The following PDCD7 variants were observed in gnomAD, a reference collection of about 807,000 sequenced individuals.
PDCD7 encodes programmed cell death protein 7.
A neutral mutation model predicts 42.1 loss-of-function variants in PDCD7; 40 were observed. The observed-to-expected ratio is 0.95, with a 90% CI of 0.74 to 1.24. PDCD7 has a LOEUF of 1.24. Ranked by LOEUF, PDCD7 falls within the 50% of genes most tolerant of loss-of-function variation. The pLI is 0.00. For synonymous variants in PDCD7, 299 were observed against 303.3 expected, an observed-to-expected ratio of 0.99 and a Z score of 0.15; for missense variants, 644 against 662.8, an observed-to-expected ratio of 0.97 and a Z score of 0.31.
chr15:65,133,401 C>T lies in PDCD7; in HGVS notation c.381G>A (p.Pro127=). ...PWSPRWPEAP[P]PPADVLGDAA... ...CATCCCCGAGCACGTCGGCCGGCGGCGGCGGCGCCTCAGGCCACCGCGGGC... is the reference window on the plus strand; with the variant it reads ...CATCCCCGAGCACGTCGGCCGGCGGTGGCGGCGCCTCAGGCCACCGCGGGC... The change falls in exon 1 of 5, where the codon CCG becomes CCA. Residue 127 remains proline (P), a synonymous_variant. Transcript: ENST00000204549. The T allele has an allele frequency of 8.4e-7, 1 of 1,185,648 alleles. No individual in the cohort carries two copies. The highest frequency in any genetic ancestry group is 3.7e-5 in the East Asian group (1 of 27,162). The allele number at this position is 1,185,648 out of a possible 1,614,324, so 73.4% of individuals were successfully genotyped here.
rs1245131962 is a variant in PDCD7, at chr15:65,133,107, C to T, written c.675G>A (p.Pro225=). ...LRAELAERLQ[P]LTQAAYVGEA... is the part of the protein sequence containing the mutation. ...CGCCCACATAGGCAGCCTGGGTCAA[C>T]GGCTGTAGCCGCTCGGCCAGTTCCG... is the stretch of plus-strand genomic sequence containing the variant. The change falls in exon 1 of 5, where the codon CCG becomes CCA. Residue 225 remains proline, a synonymous_variant. Transcript: ENST00000204549. 1.3e-6 allele frequency: 2 copies of T among 1,551,366 alleles called. No homozygotes were observed. Among genetic ancestry groups the T allele is most frequent in the South Asian group, 1.2e-5 (1 of 85,794 alleles).
rs946795121 is a variant in PDCD7 at position 65,133,791 on chromosome 15, G to A, written c.-10C>T. 6 of 1,361,550 alleles carry A rather than the reference G, an allele frequency of 4.4e-6. No individual in the cohort carries two copies. The highest frequency in any genetic ancestry group is 3.9e-5 in the South Asian group (2 of 50,740). The allele number at this position is 1,361,550 out of a possible 1,614,324, so 84.3% of individuals were successfully genotyped here. A position where few individuals can be genotyped will look rare whatever the true frequency, so the allele number is the denominator to read the frequency against. On this transcript the variant is annotated 5_prime_UTR_variant, in exon 1 of 5. Transcript: ENST00000204549. ...ATGGTGGCAGGGCCATGTTCACGACGGAGATGCTTTGAGAAGTGACAGGAA... is the reference window on the plus strand; with the variant it reads ...ATGGTGGCAGGGCCATGTTCACGACAGAGATGCTTTGAGAAGTGACAGGAA...
At chr15:65,129,901 G>A (rs1225243818) in intron 1 of PDCD7, among the ~76,000 whole-genome samples, 1 of 148,500 alleles carries the variant, frequency 6.7e-6, no homozygotes, top group East Asian at 2.0e-4. Flanking sequence ...CTGGGCAACA[G>A]AGTGAAACTT....
intron 1 of PDCD7, among the ~76,000 whole-genome samples, chr15:65,131,674 G>A (rs1411204480): frequency 2.6e-5 from 4 of 152,078 alleles, no homozygotes; most frequent in African/African-American, 4.8e-5. Flanking sequence ...GCTTGAACCC[G>A]GGAGGTGGAG....
chr15:65,128,817 C>CTT (rs1047146053), intron 2 of PDCD7, among the ~76,000 whole-genome samples: 1 of 152,214 alleles, frequency 6.6e-6, no homozygotes, highest in Non-Finnish European at 1.5e-5. Context: ...GGTTCCCACA[C>CTT]TTGCCTCTCT....
At position 65,133,044 on chromosome 15, in the gene PDCD7, C is replaced by A; in HGVS notation, c.738G>T (p.Arg246=). The change falls in exon 1 of 5, where the codon CGG becomes CGT. Residue 246 remains arginine (R), a synonymous_variant. Coordinates refer to ENST00000204549, the MANE Select transcript of PDCD7 (RefSeq NM_005707.2). ...RRRLERVRRR[R]LRLRERARER... ...CCCGGGCCCTCTCGCGAAGCCGCAG[C>A]CGGCGGCGCCGGACCCTCTCCAGCC... The A allele has an allele frequency of 6.3e-7, 1 of 1,590,994 alleles. No individual in the cohort carries two copies. Among genetic ancestry groups the A allele is most frequent in the Admixed American group, 1.7e-5 (1 of 58,722 alleles).
In PDCD7 at chr15:65,118,765, G is replaced by A. The variant is rs898988346; in HGVS notation, c.1410C>T (p.Pro470=). ...CCCAGATGTCGTTGCTGGGGAGCGGGGGAAGGACCCATCCTTGGGGAACGA... is the reference window on the plus strand; with the variant it reads ...CCCAGATGTCGTTGCTGGGGAGCGGAGGAAGGACCCATCCTTGGGGAACGA... ...GNFVPQGWVL[P]PLPSNDIWAT... Residue 470 remains proline, a synonymous_variant, in exon 5 of 5, where the codon CCC becomes CCT. Transcript: ENST00000204549. 4.3e-6 allele frequency: 7 copies of A among 1,610,056 alleles called. No homozygotes were observed. In the Admixed American group the frequency reaches 1.2e-4, roughly 27 times the overall value.
chr15:65,119,007 T>C, intron 4 of PDCD7, 167 bp from the exon 5 acceptor site: 4 of 495,428 alleles, frequency 8.1e-6, no homozygotes, highest in East Asian at 3.4e-5. Context: ...TAAATGTACA[T>C]ATAAAAAGAG....
rs1247883824 is a variant in PDCD7, at chr15:65,133,666, GGCGGGAAAGCCGGGGAGGGCA to G, written c.95_115del (p.Leu32_Pro38del). 2 of 1,265,270 alleles carry G rather than the reference GGCGGGAAAGCCGGGGAGGGCA, an allele frequency of 1.6e-6. No individual in the cohort carries two copies. The highest frequency in any genetic ancestry group is 3.1e-5 in the East Asian group (1 of 32,100). The allele number at this position is 1,265,270 out of a possible 1,614,324, so 78.4% of individuals were successfully genotyped here. On this transcript the variant is annotated inframe_deletion, in exon 1 of 5. Transcript: ENST00000204549. Reference sequence around the variant, plus strand: ...AGGGCCGGGCCGCTGGGGGAGAGGCGGCGGGAAAGCCGGGGAGGGCAGCGGCGGTGGCGGACAGCCGAAAGG... The same window carrying G: ...AGGGCCGGGCCGCTGGGGGAGAGGCGGCGGCGGTGGCGGACAGCCGAAAGG...
intron 2 of PDCD7, among the ~76,000 whole-genome samples, chr15:65,127,836 T>C (rs1423679196): frequency 1.3e-5 from 2 of 152,318 alleles, no homozygotes; most frequent in East Asian, 1.9e-4. Flanking sequence ...ACTCACCTCA[T>C]AGAGGATGTG....
chr15:65,130,844 G>GA (rs770531053), intron 1 of PDCD7, among the ~76,000 whole-genome samples: 158 of 139,182 alleles, frequency 1.1e-3, no homozygotes, highest in East Asian at 1.5e-3. Flanking sequence ...CTCTGTCTCA[G>GA]AAAAAAAAAA....
At chr15:65,121,061 T>C (rs1595926651) in intron 2 of PDCD7, among the ~76,000 whole-genome samples, 2 of 150,432 alleles carry the variant, frequency 1.3e-5, no homozygotes, top group East Asian at 3.9e-4. Flanking sequence ...TTCTTTTTTT[T>C]TTTTTTTTTT....
intron 2 of PDCD7, 79 bp from the exon 3 acceptor site, chr15:65,120,033 T>G: frequency 2.1e-6 from 3 of 1,448,614 alleles, no homozygotes; most frequent in Non-Finnish European, 2.8e-6. Flanking sequence ...CAGGCTGGAG[T>G]ACAGTGGTGT....
At chr15:65,130,968 G>C (rs1345980035) in intron 1 of PDCD7, among the ~76,000 whole-genome samples, 2 of 151,994 alleles carry the variant, frequency 1.3e-5, no homozygotes, top group Non-Finnish European at 2.9e-5. Context: ...CACACACCAC[G>C]CTATACTGAC....
chr15:65,119,779 TTTTC>T lies in PDCD7; in HGVS notation c.1181_1184del (p.Arg394LysfsTer108), dbSNP rs1423241259. 34 of 1,612,108 alleles carry T rather than the reference TTTTC, an allele frequency of 2.1e-5. No homozygotes were observed. The highest frequency in any genetic ancestry group is 2.7e-5 in the Non-Finnish European group (32 of 1,179,554). On this transcript the variant is annotated frameshift_variant, in exon 3 of 5. Transcript: ENST00000204549. LOFTEE classifies it high-confidence loss of function. ...TCTGAAGTAAAATTTTCTCTTTTTCTTTTCTTTGTTTCTTTTCTAATTCTCTTTT... is the reference window on the plus strand; with the variant it reads ...TCTGAAGTAAAATTTTCTCTTTTTCTTTTGTTTCTTTTCTAATTCTCTTTT...
At chr15:65,126,261 T>C (rs2087495180) in intron 2 of PDCD7, among the ~76,000 whole-genome samples, 1 of 152,186 alleles carries the variant, frequency 6.6e-6, no homozygotes, top group African/African-American at 2.4e-5. Flanking sequence ...TCTTCTACCT[T>C]GATTTTGACA....
chr15:65,122,035 T>A (rs145077904), intron 2 of PDCD7, among the ~76,000 whole-genome samples: 1 of 152,078 alleles, frequency 6.6e-6, no homozygotes, highest in Non-Finnish European at 1.5e-5. Flanking sequence ...CCAAGCATTT[T>A]AGCAATACCA....
chr15:65,120,209 G>A (rs1266504974), intron 2 of PDCD7, among the ~76,000 whole-genome samples: 3 of 151,572 alleles, frequency 2.0e-5, no homozygotes, highest in African/African-American at 4.8e-5. Context: ...GCTGGAGTGC[G>A]GCAGCATGAC....
At position 65,118,405 on chromosome 15, in the gene PDCD7, G is replaced by T. The variant is rs139451711; in HGVS notation, c.*312C>A. The stretch of plus-strand genomic sequence containing the variant: ...TACTTACCCATCAACACACAAGGAA[G>T]TTAGAGTAAATTAACAAGTCACTCT... On this transcript the variant is annotated 3_prime_UTR_variant, in exon 5 of 5. Coordinates refer to ENST00000204549, the MANE Select transcript of PDCD7 (RefSeq NM_005707.2). 1.4e-3 allele frequency: 313 copies of T among 228,902 alleles called. 2 individuals carry two copies. The highest frequency in any genetic ancestry group is 6.2e-3 in the African/African-American group (273 of 44,132). 14.2% of individuals were successfully genotyped at this position (228,902 alleles called of 1,614,324 possible).
Sources: allele counts gnomAD v4.1 joint callset (sites outside exome capture counted in the v4.1 genomes callset), GRCh38; gene constraint gnomAD v4.1.1; transcripts MANE v1.5; gene names NCBI Gene and HGNC (gene_info 2026-07-23, HGNC 2026-07-21).